Variants in BRPF3 observed in about 807,000 individuals in gnomAD.
BRPF3 encodes bromodomain and PHD finger-containing protein 3.
Under a neutral mutation model 102.0 loss-of-function variants are expected in BRPF3, and 18 were observed. The ratio of observed to expected loss-of-function variants is 0.18; its 90% CI spans 0.12 to 0.26. The LOEUF (loss-of-function observed/expected upper bound fraction) is 0.26, where lower values mean the gene tolerates loss of function less well. Ranked by LOEUF, BRPF3 falls within the 10% of genes least tolerant of loss-of-function variation. The pLI is 1.00. For synonymous variants in BRPF3, 570 were observed against 614.2 expected, an observed-to-expected ratio of 0.93 and a Z score of 1.06; for missense variants, 1,147 against 1,567.8, an observed-to-expected ratio of 0.73 and a Z score of 4.53.
At chr6:36,217,031 C>T (rs903290498) in intron 8 of BRPF3, among the ~76,000 whole-genome samples, 1 of 152,118 alleles carries the variant, frequency 6.6e-6, no homozygotes. Context: ...GAGCGAGACC[C>T]TATCTCAAAA....
chr6:36,227,017 C>T (rs1029313699), intron 11 of BRPF3, among the ~76,000 whole-genome samples: 11 of 152,148 alleles, frequency 7.2e-5, no homozygotes, highest in South Asian at 2.1e-4. Flanking sequence ...GTCTAAAACT[C>T]GTCTTTTTTT....
chr6:36,213,743 C>T, intron 7 of BRPF3, 137 bp from the exon 8 acceptor site: 3 of 870,410 alleles, frequency 3.4e-6, no homozygotes, highest in Non-Finnish European at 5.3e-6. Flanking sequence ...CTCTTTGCTT[C>T]AGATCTAAGA....
chr6:36,212,818 T>C (rs553400300), intron 7 of BRPF3, among the ~76,000 whole-genome samples: 3 of 152,092 alleles, frequency 2.0e-5, no homozygotes, highest in South Asian at 2.1e-4. Context: ...CCGGGCGCGG[T>C]GGCGGGCGCC....
chr6:36,220,552 G>T (rs1182762076), intron 9 of BRPF3, among the ~76,000 whole-genome samples: 2 of 152,188 alleles, frequency 1.3e-5, no homozygotes, highest in African/African-American at 4.8e-5. Context: ...TGTATTTGAA[G>T]ATGTCTCCCC....
chr6:36,225,902 A>G (rs1486546965), intron 11 of BRPF3, among the ~76,000 whole-genome samples: 1 of 152,064 alleles, frequency 6.6e-6, no homozygotes, highest in Non-Finnish European at 1.5e-5. Flanking sequence ...ATATCCACTT[A>G]CTCTTTTACA....
intron 8 of BRPF3, among the ~76,000 whole-genome samples, chr6:36,216,126 C>G (rs1768320883): frequency 6.6e-6 from 1 of 152,116 alleles, no homozygotes; most frequent in South Asian, 2.1e-4. Flanking sequence ...TGTGTAACGA[C>G]AGGAAAATTA....
At chr6:36,207,960 C>CCTGGGTTCA (rs1208016973) in intron 4 of BRPF3, among the ~76,000 whole-genome samples, 6 of 152,186 alleles carry the variant, frequency 3.9e-5, no homozygotes, top group East Asian at 1.9e-4. Flanking sequence ...TGAGCTATGG[C>CCTGGGTTCA]ACCAGACTGC....
rs1373195881 is a variant in BRPF3 at position 36,230,215 on chromosome 6, T to C, written c.3435-211T>C. 6.6e-6 allele frequency among the ~76,000 whole-genome samples: 1 copy of C among 151,962 alleles called. No homozygotes were observed. The highest frequency in any genetic ancestry group is 1.5e-5 in the Non-Finnish European group (1 of 67,964). Reference sequence around the variant, plus strand: ...GGACCTAGCTGCAAAATTGATTCCATGCCATTCCCCCACCCGACTCCTGCA... The same window carrying C: ...GGACCTAGCTGCAAAATTGATTCCACGCCATTCCCCCACCCGACTCCTGCA... On this transcript the variant is annotated intron_variant, in intron 12 of 12. Transcript: ENST00000357641. This position sits in a 1 kb window ranked among gnomAD's most constrained non-coding sequence, Gnocchi z 5.4.
intron 11 of BRPF3, among the ~76,000 whole-genome samples, chr6:36,227,287 A>G (rs1289332359): frequency 6.6e-6 from 1 of 151,968 alleles, no homozygotes; most frequent in Non-Finnish European, 1.5e-5. Context: ...GCATTATAGA[A>G]GTTTGGAAAA....
chr6:36,202,010 T>A (rs1767723076), intron 2 of BRPF3, among the ~76,000 whole-genome samples: 1 of 152,228 alleles, frequency 6.6e-6, no homozygotes, highest in Non-Finnish European at 1.5e-5. Flanking sequence ...GAAACTCAGG[T>A]GATAGGATAT....
rs1768961803 is a variant in BRPF3 at position 36,232,239 on chromosome 6, T to C, written c.*1630T>C. 1 of 152,464 alleles carries C rather than the reference T, an allele frequency of 6.6e-6. No homozygotes were observed. Among genetic ancestry groups the C allele is most frequent in the African/African-American group, 2.4e-5 (1 of 41,462 alleles). 9.4% of individuals were successfully genotyped at this position (152,464 alleles called of 1,614,324 possible). ...CATGGTGTATATAATTGTAAAATAC[T>C]GTTCTAAATTATTCAGGCCTATAGT... On this transcript the variant is annotated 3_prime_UTR_variant, in exon 13 of 13. Coordinates refer to ENST00000357641, the MANE Select transcript of BRPF3 (RefSeq NM_015695.3).
At chr6:36,225,476 G>GA (rs767847619) in intron 11 of BRPF3, 112 bp downstream of exon 11, 24 of 962,808 alleles carry the variant, frequency 2.5e-5, no homozygotes, top group Admixed American at 7.2e-5. Context: ...TTTAGCTGTA[G>GA]AGGGGAGGGG....
At position 36,230,566 on chromosome 6, in the gene BRPF3, G is replaced by A. The variant is rs755939767; in HGVS notation, c.3575G>A (p.Arg1192Lys). 3.1e-6 allele frequency: 5 copies of A among 1,614,162 alleles called. No individual in the cohort carries two copies. In the Middle Eastern group the frequency reaches 6.6e-4, roughly 213 times the overall value. Residue 1192 changes from arginine (R) to lysine (K), a missense_variant, in exon 13 of 13, where the codon AGA becomes AAA. Physicochemically the swap from Arg to Lys is conservative, Grantham distance 26. Around this residue, in one of 11 missense-constraint regions of BRPF3, gnomAD observed 85 missense variants for 172.9 expected, o/e 0.49. Coordinates refer to ENST00000357641, the MANE Select transcript of BRPF3 (RefSeq NM_015695.3). This position sits in a 1 kb window ranked among gnomAD's most constrained non-coding sequence, Gnocchi z 5.4. ...AYDRAMIHLS[R>K]VRGPHSFVTS... ...GACCGTGCGATGATCCACCTGAGCAGAGTCCGGGGGCCCCACTCCTTCGTC... is the reference window on the plus strand; with the variant it reads ...GACCGTGCGATGATCCACCTGAGCAAAGTCCGGGGGCCCCACTCCTTCGTC...
intron 9 of BRPF3, among the ~76,000 whole-genome samples, chr6:36,219,542 C>T (rs1216695365): frequency 6.6e-5 from 10 of 152,126 alleles, no homozygotes; most frequent in Non-Finnish European, 1.2e-4. Context: ...CTATGAAGGG[C>T]ATTCTTTTCA....
rs1180494991 is a variant in BRPF3 at position 36,213,860 on chromosome 6, A to T, written c.2483-20A>T. On this transcript the variant is annotated intron_variant, in intron 7 of 12. Transcript: ENST00000357641. ...GACTCTTTCTAAAATGTTCAAGCAG[A>T]TTCTCTTTTTTTCTAATAGATGACT... The T allele has an allele frequency of 6.4e-7, 1 of 1,566,732 alleles. No homozygotes were observed. Among genetic ancestry groups the T allele is most frequent in the Non-Finnish European group, 8.6e-7 (1 of 1,158,824 alleles).
At chr6:36,198,793 G>A (rs1036167551) in intron 1 of BRPF3, among the ~76,000 whole-genome samples, 1 of 152,182 alleles carries the variant, frequency 6.6e-6, no homozygotes, top group Non-Finnish European at 1.5e-5. Context: ...CTCTCCTGGT[G>A]GTGACAGCCT....
intron 3 of BRPF3, among the ~76,000 whole-genome samples, chr6:36,205,058 C>T (rs568334950): frequency 1.3e-5 from 2 of 152,250 alleles, no homozygotes; most frequent in South Asian, 4.1e-4. Flanking sequence ...GCGTAGCTTT[C>T]CATATATGTG....
chr6:36,227,926 T>TGTAAGAAG (rs1299852131), intron 11 of BRPF3, among the ~76,000 whole-genome samples: 1 of 152,194 alleles, frequency 6.6e-6, no homozygotes, highest in African/African-American at 2.4e-5. Context: ...AGGGGCCCAC[T>TGTAAGAAG]GGGACAGCGT....
chr6:36,218,450 T>A (rs1216593618), intron 9 of BRPF3, among the ~76,000 whole-genome samples: 1 of 151,354 alleles, frequency 6.6e-6, no homozygotes, highest in African/African-American at 2.4e-5. Context: ...AAGTAGGAAA[T>A]TTGGAATTGC....
Sources: gnomAD v4.1 joint callset for allele counts (sites outside exome capture counted in the v4.1 genomes callset) on GRCh38, gnomAD v4.1.1 for gene constraint, gnomAD v4.1.1 regional missense constraint, Gnocchi (gnomAD v3.1) non-coding constraint, MANE v1.5 for transcripts, NCBI Gene and HGNC (gene_info 2026-07-23, HGNC 2026-07-21) for gene names.